The following FAF1 variants were observed in gnomAD, a reference collection of about 807,000 sequenced individuals.
The protein encoded by FAF1 is FAS-associated factor 1.
A neutral mutation model predicts 92.5 loss-of-function variants in FAF1; 25 were observed. The observed-to-expected ratio is 0.27, with a 90% CI of 0.20 to 0.38. The LOEUF is 0.38. Ranked by LOEUF, FAF1 falls within the 10% of genes least tolerant of loss-of-function variation. FAF1 has a pLI of 1.00. For missense variants in FAF1, 636 were observed against 793.3 expected (o/e 0.80, Z 2.38); for synonymous variants, 234 against 273.2 (o/e 0.86, Z 1.42).
chr1:50,942,783 C>T (rs1404216207), intron 1 of FAF1, among the ~76,000 whole-genome samples: 1 of 148,428 alleles, frequency 6.7e-6, no homozygotes, highest in Non-Finnish European at 1.5e-5. Flanking sequence ...GCAATTTTTA[C>T]ACCAATTCCC....
At position 50,554,382 on chromosome 1, in the gene FAF1, T is replaced by TAG. The variant is rs541317145; in HGVS notation, c.1268+12694_1268+12695insCT. On this transcript the variant is annotated intron_variant, in intron 13 of 18. Transcript: ENST00000396153. ...TGAGGTAAATATATATATATATATA[T>TAG]ATATATATAGAGAGAGAGAGAGAGA... Among the ~76,000 whole-genome samples the TAG allele has an allele frequency of 3.2e-3, 317 of 99,018 alleles. 1 individual carries two copies. Among genetic ancestry groups the TAG allele is most frequent in the African/African-American group, 0.012 (239 of 20,494 alleles). 65.0% of individuals were successfully genotyped at this position (99,018 alleles called of 152,430 possible).
At chr1:50,813,901 T>C (rs1323363135) in intron 2 of FAF1, among the ~76,000 whole-genome samples, 2 of 152,136 alleles carry the variant, frequency 1.3e-5, no homozygotes, top group Non-Finnish European at 2.9e-5. Context: ...CTATAGTTCC[T>C]CTTTGTCTTC....
chr1:50,513,448 C>T (rs912665510), intron 15 of FAF1, among the ~76,000 whole-genome samples: 4 of 152,114 alleles, frequency 2.6e-5, no homozygotes, highest in African/African-American at 7.2e-5. Flanking sequence ...TGAGATCGCG[C>T]CATTGCACTC....
intron 4 of FAF1, among the ~76,000 whole-genome samples, chr1:50,772,978 G>C (rs998123380): frequency 4.6e-5 from 7 of 152,152 alleles, no homozygotes; most frequent in Admixed American, 2.0e-4. Flanking sequence ...TAATGGCAAA[G>C]ACTACAAGAC....
chr1:50,836,189 T>TTTTTTTTTTTTTA (rs1553144967), intron 2 of FAF1, among the ~76,000 whole-genome samples: 1 of 146,808 alleles, frequency 6.8e-6, no homozygotes, highest in Non-Finnish European at 1.5e-5. Context: ...TTTTTTTTTT[T>TTTTTTTTTTTTTA]AGACAGGGTC....
chr1:50,547,277 T>A (rs1371369514), intron 13 of FAF1, among the ~76,000 whole-genome samples: 1 of 152,088 alleles, frequency 6.6e-6, no homozygotes, highest in Non-Finnish European at 1.5e-5. Context: ...AAACCAAAGG[T>A]AATGTTAAGA....
intron 9 of FAF1, among the ~76,000 whole-genome samples, chr1:50,595,124 G>A (rs1192719696): frequency 2.0e-5 from 3 of 151,074 alleles, no homozygotes; most frequent in Non-Finnish European, 2.9e-5. Context: ...GCACAATCTC[G>A]GCTCACTACA....
At chr1:50,796,428 A>C (rs963059770) in intron 3 of FAF1, among the ~76,000 whole-genome samples, 1 of 151,948 alleles carries the variant, frequency 6.6e-6, no homozygotes, top group African/African-American at 2.4e-5. Flanking sequence ...CTTCCTTCTC[A>C]TATGTCTGGT....
chr1:50,786,270 C>T (rs1396565877), intron 4 of FAF1, among the ~76,000 whole-genome samples: 1 of 152,020 alleles, frequency 6.6e-6, no homozygotes, highest in Non-Finnish European at 1.5e-5. Flanking sequence ...GAATATTATT[C>T]AGTTTTTAAG....
At chr1:50,785,867 C>A (rs1365445626) in intron 4 of FAF1, among the ~76,000 whole-genome samples, 1 of 152,138 alleles carries the variant, frequency 6.6e-6, no homozygotes, top group Non-Finnish European at 1.5e-5. Context: ...GTGACTCATG[C>A]CTATAATCCC....
chr1:50,830,934 A>G (rs1371656489), intron 2 of FAF1, among the ~76,000 whole-genome samples: 2 of 152,202 alleles, frequency 1.3e-5, no homozygotes, highest in Non-Finnish European at 2.9e-5. Flanking sequence ...TTTTTGTAAA[A>G]GAGTATAATG....
Position 50,718,050 on chromosome 1 carries a change from C to T in FAF1, c.552-12159G>A, listed in dbSNP as rs1305842593. Among the ~76,000 whole-genome samples the T allele has an allele frequency of 2.7e-5, 4 of 150,776 alleles. 1 individual carries two copies. The highest frequency in any genetic ancestry group is 4.9e-5 in the African/African-American group (2 of 40,978). On this transcript the variant is annotated intron_variant, in intron 6 of 18. Coordinates refer to ENST00000396153, the MANE Select transcript of FAF1 (RefSeq NM_007051.3). ...TTATTTATTTATTGAGACGGAGTCT[C>T]GCTTTGTCACCCAGGCTGGAGTGCA...
chr1:50,874,556 T>C (rs1056119710), intron 1 of FAF1, among the ~76,000 whole-genome samples: 4 of 151,944 alleles, frequency 2.6e-5, no homozygotes, highest in Non-Finnish European at 5.9e-5. Flanking sequence ...AAATGGAGTC[T>C]CACTATTACC....
intron 1 of FAF1, among the ~76,000 whole-genome samples, chr1:50,859,947 G>A (rs1403294215): frequency 6.6e-6 from 1 of 151,552 alleles, no homozygotes; most frequent in Non-Finnish European, 1.5e-5. Flanking sequence ...AAAGCTGCTT[G>A]CACAACTACA....
At position 50,655,462 on chromosome 1, in the gene FAF1, T is replaced by G. The variant is rs911147590; in HGVS notation, c.724A>C (p.Thr242Pro). 34 of 1,613,516 alleles carry G rather than the reference T, an allele frequency of 2.1e-5. No homozygotes were observed. The highest frequency in any genetic ancestry group is 2.7e-5 in the Non-Finnish European group (32 of 1,179,378). ...VRHQLWEGWP[T>P]SATDDSMCLA... is the part of the protein sequence containing the mutation. ...CTTACTGAGTCGTCTGTAGCAGAAG[T>G]TGGCCAGCCCTCCCATAATTGGTGG... is the stretch of plus-strand genomic sequence containing the variant. Residue 242 changes from threonine (T) to proline (P), a missense_variant, in exon 8 of 19, where the codon ACT (threonine) becomes CCT (proline). By Grantham distance (38) the Thr-to-Pro change is conservative. Coordinates refer to ENST00000396153, the MANE Select transcript of FAF1 (RefSeq NM_007051.3).
chr1:50,529,833 C>G (rs971412563), intron 15 of FAF1, among the ~76,000 whole-genome samples: 1 of 152,084 alleles, frequency 6.6e-6, no homozygotes, highest in Non-Finnish European at 1.5e-5. Flanking sequence ...TACACAGTGT[C>G]TGGTATACAC....
chr1:50,447,100 G>C (rs1365735600), intron 18 of FAF1, among the ~76,000 whole-genome samples: 3 of 150,286 alleles, frequency 2.0e-5, no homozygotes, highest in African/African-American at 7.4e-5. Context: ...ACCAACAGAG[G>C]CTTCTCAAAA....
chr1:50,866,753 A>T (rs1644485116), intron 1 of FAF1, among the ~76,000 whole-genome samples: 1 of 152,142 alleles, frequency 6.6e-6, no homozygotes, highest in Admixed American at 6.6e-5. Context: ...TAGAAAGATG[A>T]CCATACTGCC....
chr1:50,752,714 A>G (rs963804572), intron 4 of FAF1, among the ~76,000 whole-genome samples: 1 of 151,838 alleles, frequency 6.6e-6, no homozygotes, highest in African/African-American at 2.4e-5. Flanking sequence ...AGACAGTCTC[A>G]TTTTGTCACC....
Sources: gnomAD v4.1 joint callset for allele counts (sites outside exome capture counted in the v4.1 genomes callset) on GRCh38, gnomAD v4.1.1 for gene constraint, MANE v1.5 for transcripts, NCBI Gene and HGNC (gene_info 2026-07-23, HGNC 2026-07-21) for gene names.